SPACA7: variants seen among roughly 807,000 people sequenced by gnomAD.
SPACA7 encodes sperm acrosome associated 7.
A neutral mutation model predicts 26.3 loss-of-function variants in SPACA7; 19 were observed. The ratio of observed to expected loss-of-function variants is 0.72; its 90% CI spans 0.50 to 1.06. The LOEUF (loss-of-function observed/expected upper bound fraction) is 1.06. Ranked by LOEUF, SPACA7 falls within the 50% of genes least tolerant of loss-of-function variation. The pLI is 0.00. For missense variants in SPACA7, 211 were observed against 229.9 expected (o/e 0.92, Z 0.53); for synonymous variants, 84 against 84.5 (o/e 0.99, Z 0.04).
At chr13:112,388,615 C>T (rs1884682517) in intron 1 of SPACA7, among the ~76,000 whole-genome samples, 3 of 152,200 alleles carry the variant, frequency 2.0e-5, no homozygotes, top group African/African-American at 7.2e-5. Context: ...CAGTATTGTA[C>T]AAGCCCCCAA....
At chr13:112,382,298 C>T (rs1884124077) in intron 1 of SPACA7, 1 of 753,882 alleles carries the variant, frequency 1.3e-6, no homozygotes. Context: ...TGTTGCCAGA[C>T]TGGAGTGCAG....
At chr13:112,385,552 C>T (rs1236224378) in intron 1 of SPACA7, among the ~76,000 whole-genome samples, 2 of 152,050 alleles carry the variant, frequency 1.3e-5, no homozygotes, top group African/African-American at 2.4e-5. Context: ...TGTCTCCAGG[C>T]CTTATCTATA....
rs1168438735 is a variant in SPACA7, at chr13:112,398,103, T to C, written c.206T>C (p.Met69Thr). The C allele has an allele frequency of 1.1e-5, 18 of 1,613,810 alleles. No homozygotes were observed. The highest frequency in any genetic ancestry group is 1.7e-5 in the Admixed American group (1 of 59,990). The stretch of plus-strand genomic sequence containing the variant: ...CTGAATAAAACAACACCGAGCGAAA[T>C]GCCAAGTACAGCATCAACATTATCA... The part of the protein sequence containing the change: ...LDLNKTTPSE[M>T]PSTASTLSTP... The change falls in exon 3 of 7, where the codon ATG (methionine) becomes ACG (threonine). Residue 69 changes from methionine to threonine, a missense_variant. Physicochemically the swap from Met to Thr is moderately conservative, Grantham distance 81 (BLOSUM62 -1). Coordinates refer to ENST00000283550, the MANE Select transcript of SPACA7 (RefSeq NM_145248.5).
At chr13:112,430,174 C>CTGTGTGTGTGTG (rs61438595) in intron 5 of SPACA7, among the ~76,000 whole-genome samples, 9,251 of 134,186 alleles carry the variant, frequency 0.069, 383 homozygotes, top group East Asian at 0.17. Flanking sequence ...ATCTCTCTCT[C>CTGTGTGTGTGTG]TGTGTGTGTG....
chr13:112,400,802 T>C (rs1209851750), intron 4 of SPACA7, among the ~76,000 whole-genome samples: 1 of 152,232 alleles, frequency 6.6e-6, no homozygotes, highest in Admixed American at 6.5e-5. Context: ...GGTATTTTCA[T>C]ATTGTCAGGA....
intron 5 of SPACA7, among the ~76,000 whole-genome samples, chr13:112,402,279 T>G (rs1383556504): frequency 6.6e-6 from 1 of 152,250 alleles, no homozygotes; most frequent in Non-Finnish European, 1.5e-5. Context: ...TATTCCTAAG[T>G]ATTCAGTCTA....
intron 5 of SPACA7, among the ~76,000 whole-genome samples, chr13:112,427,164 C>G (rs1232205155): frequency 6.6e-6 from 1 of 152,184 alleles, no homozygotes; most frequent in Non-Finnish European, 1.5e-5. Flanking sequence ...CAAAGTCAGA[C>G]AGTAAATCTT....
intron 2 of SPACA7, among the ~76,000 whole-genome samples, chr13:112,394,884 C>T (rs1885135511): frequency 6.6e-6 from 1 of 152,172 alleles, no homozygotes; most frequent in African/African-American, 2.4e-5. Flanking sequence ...TTCCTGGGTC[C>T]TGACCAACTA....
intron 5 of SPACA7, among the ~76,000 whole-genome samples, chr13:112,426,521 C>T (rs1876551674): frequency 6.6e-6 from 1 of 152,216 alleles, no homozygotes; most frequent in Admixed American, 6.5e-5. Flanking sequence ...TAACAATTTC[C>T]AGTCTTCCTA....
In SPACA7 at chr13:112,376,445, A is replaced by C. The variant is rs1174970163; in HGVS notation, c.60A>C (p.Gln20His). The C allele has an allele frequency of 6.2e-7, 1 of 1,613,650 alleles. No homozygotes were observed. The highest frequency in any genetic ancestry group is 8.5e-7 in the Non-Finnish European group (1 of 1,179,894). The change falls in exon 1 of 7, where the codon CAA becomes CAC. Residue 20 changes from glutamine (Q) to histidine (H), a missense_variant. By Grantham distance (24) the Gln-to-His change is conservative. Transcript: ENST00000283550. ...TTGTCCTCCTGCTGTGCTGTTGGCA[A>C]GAAACTGAGCTCCGGCCGAGAACCG... ...LCFVLLLCCW[Q>H]ETELRPRTVI...
chr13:112,389,405 T>C lies in SPACA7; in HGVS notation c.95-3616T>C, dbSNP rs139014212. Among the ~76,000 whole-genome samples, 328 of 152,382 alleles carry C rather than the reference T, an allele frequency of 2.2e-3. 1 individual carries two copies. The highest frequency in any genetic ancestry group is 7.5e-3 in the African/African-American group (313 of 41,592). On this transcript the variant is annotated intron_variant, in intron 1 of 6. Transcript: ENST00000283550. Reference sequence around the variant, plus strand: ...TAGTAACCCAAGTAGAATAAAATTATGTCTGCATTATATCTATAGCTGACA... The same window carrying C: ...TAGTAACCCAAGTAGAATAAAATTACGTCTGCATTATATCTATAGCTGACA...
At chr13:112,429,716 G>A (rs779398255) in intron 5 of SPACA7, among the ~76,000 whole-genome samples, 8 of 152,040 alleles carry the variant, frequency 5.3e-5, no homozygotes, top group African/African-American at 9.7e-5. Flanking sequence ...TCTTCTCATT[G>A]TAGATGATAT....
At chr13:112,421,225 C>CAAAAAAAAAAAAAAAAAAAA (rs59236283) in intron 5 of SPACA7, among the ~76,000 whole-genome samples, 1 of 86,824 alleles carries the variant, frequency 1.2e-5, no homozygotes, top group Admixed American at 1.2e-4. Flanking sequence ...AAGAAACATG[C>CAAAAAAAAAAAAAAAAAAAA]AAAAAAAAAA....
rs746889529 is a variant in SPACA7, at chr13:112,393,003, GTTTTTA to G, written c.95-14_95-9del. 1.2e-6 allele frequency: 2 copies of G among 1,604,332 alleles called. No homozygotes were observed. The highest frequency in any genetic ancestry group is 1.7e-6 in the Non-Finnish European group (2 of 1,172,544). On this transcript the variant is annotated splice_polypyrimidine_tract_variant and intron_variant, in intron 1 of 6. Coordinates refer to ENST00000283550, the MANE Select transcript of SPACA7 (RefSeq NM_145248.5). The stretch of plus-strand genomic sequence containing the variant: ...TCAATGAACATTGTTAAACTGTAGG[GTTTTTA>G]TTTCCTTCTAGGTTCACCTACTGAA...
intron 5 of SPACA7, among the ~76,000 whole-genome samples, chr13:112,421,844 C>T (rs1876013593): frequency 6.6e-6 from 1 of 152,076 alleles, no homozygotes; most frequent in African/African-American, 2.4e-5. Flanking sequence ...TAATTTTTAG[C>T]AAACTAACAC....
chr13:112,380,112 T>A (rs77940459), intron 1 of SPACA7, among the ~76,000 whole-genome samples: 2,151 of 152,210 alleles, frequency 0.014, 47 homozygotes, highest in African/African-American at 0.05. Context: ...CCTCTTACAA[T>A]CTCTTATTAA....
chr13:112,398,976 A>T (rs886912752), intron 3 of SPACA7, 90 bp from the exon 4 acceptor site: 1 of 762,032 alleles, frequency 1.3e-6, no homozygotes, highest in African/African-American at 1.8e-5. Flanking sequence ...TCCCAACCTT[A>T]TATTGTAAAA....
At chr13:112,409,662 T>A (rs1056707026) in intron 5 of SPACA7, among the ~76,000 whole-genome samples, 2 of 152,092 alleles carry the variant, frequency 1.3e-5, no homozygotes, top group Non-Finnish European at 2.9e-5. Flanking sequence ...AAAACCACAA[T>A]AAGATACCAT....
chr13:112,392,819 G>A (rs2274575), intron 1 of SPACA7, among the ~76,000 whole-genome samples: 17,510 of 152,120 alleles, frequency 0.12, 1,337 homozygotes, highest in East Asian at 0.31. Flanking sequence ...CTGTTTCTCC[G>A]CATTTTCCAG....
Sources: allele counts gnomAD v4.1 joint callset (sites outside exome capture counted in the v4.1 genomes callset), GRCh38; gene constraint gnomAD v4.1.1; transcripts MANE v1.5; gene names NCBI Gene and HGNC (gene_info 2026-07-23, HGNC 2026-07-21).